The following AOPEP variants were observed in gnomAD, a reference collection of about 807,000 sequenced individuals.
The protein encoded by AOPEP is aminopeptidase O (putative).
AOPEP carries 77 observed loss-of-function variants against 98.1 expected under a neutral mutation model. That is an observed-to-expected ratio of 0.78 (90% CI 0.65 to 0.95). The LOEUF is 0.95. Ranked by LOEUF, AOPEP falls within the 40% of genes least tolerant of loss-of-function variation. The pLI is 0.00. For synonymous variants in AOPEP, 346 were observed against 365.3 expected, an observed-to-expected ratio of 0.95 and a Z score of 0.60; for missense variants, 1,024 against 1,024.7, an observed-to-expected ratio of 1.00 and a Z score of 0.01.
chr9:95,046,079 C>G (rs2065841455), intron 13 of AOPEP, among the ~76,000 whole-genome samples: 1 of 152,114 alleles, frequency 6.6e-6, no homozygotes, highest in African/African-American at 2.4e-5. Flanking sequence ...TGTCAGTGGA[C>G]TAGGGCCACT....
At chr9:94,962,889 A>T (rs2404296) in intron 9 of AOPEP, among the ~76,000 whole-genome samples, 1 of 151,678 alleles carries the variant, frequency 6.6e-6, no homozygotes, top group Admixed American at 6.6e-5. Flanking sequence ...GACTACAGGC[A>T]CCCGCCACCA....
At chr9:94,801,076 G>A in intron 5 of AOPEP, 74 bp downstream of exon 5, 1 of 1,536,626 alleles carries the variant, frequency 6.5e-7, no homozygotes. Context: ...CTTTCCTTGA[G>A]CTCTGTCAGA....
intron 4 of AOPEP, among the ~76,000 whole-genome samples, chr9:94,797,391 A>G (rs1430724065): frequency 1.3e-5 from 2 of 150,274 alleles, no homozygotes; most frequent in Non-Finnish European, 3.0e-5. Context: ...AGATTGCACC[A>G]CTGCACTTCA....
chr9:94,772,866 T>C lies in AOPEP; in HGVS notation c.798-136T>C, dbSNP rs972706242. The C allele has an allele frequency of 1.8e-5, 15 of 833,872 alleles. No homozygotes were observed. The South Asian group carries it at 4.0e-4, about 22-fold the overall frequency. The allele number at this position is 833,872 out of a possible 1,614,324, so 51.7% of individuals were successfully genotyped here. A position where few individuals can be genotyped will look rare whatever the true frequency, so the allele number is the denominator to read the frequency against. ...CCTTGGCAGCTTCAGTTCAAAATGCTAGGAAACCAGTCAACTACAAAGTTT... is the reference window on the plus strand; with the variant it reads ...CCTTGGCAGCTTCAGTTCAAAATGCCAGGAAACCAGTCAACTACAAAGTTT... On this transcript the variant is annotated intron_variant, in intron 2 of 16. Coordinates refer to ENST00000375315, the MANE Select transcript of AOPEP (RefSeq NM_001193329.3).
chr9:94,888,910 GCCACCA>G (rs1182375423), intron 5 of AOPEP, among the ~76,000 whole-genome samples: 1 of 152,106 alleles, frequency 6.6e-6, no homozygotes, highest in Non-Finnish European at 1.5e-5. Context: ...GCATGAAGCT[GCCACCA>G]CCACATGTAA....
chr9:94,855,069 ATATTT>A (rs149110655), intron 5 of AOPEP, among the ~76,000 whole-genome samples: 1,728 of 152,160 alleles, frequency 0.011, 34 homozygotes, highest in African/African-American at 0.039. Context: ...TAGAATTAGC[ATATTT>A]TATTTTATTT....
At chr9:94,793,081 G>A (rs962989547) in intron 4 of AOPEP, among the ~76,000 whole-genome samples, 163 bp downstream of exon 4, 5 of 152,232 alleles carry the variant, frequency 3.3e-5, no homozygotes, top group Non-Finnish European at 7.3e-5. Flanking sequence ...AAAGGAAAGA[G>A]AGGGCTAGGC....
At chr9:95,003,903 A>G (rs1034515363) in intron 11 of AOPEP, 1 of 168,374 alleles carries the variant, frequency 5.9e-6, no homozygotes, top group Non-Finnish European at 1.3e-5. Flanking sequence ...ATAGACATAC[A>G]TCATCCGTGT....
At chr9:94,864,043 C>T (rs2135481704) in intron 5 of AOPEP, among the ~76,000 whole-genome samples, 1 of 152,288 alleles carries the variant, frequency 6.6e-6, no homozygotes, top group Non-Finnish European at 1.5e-5. Flanking sequence ...GATACTCCCA[C>T]ACATGGGCCA....
intron 13 of AOPEP, among the ~76,000 whole-genome samples, chr9:95,016,391 C>G (rs1016400978): frequency 1.3e-5 from 2 of 149,680 alleles, no homozygotes; most frequent in Admixed American, 1.3e-4. Context: ...TTACAGGCAC[C>G]CACCACCACG....
chr9:94,745,648 C>G (rs1834315018), intron 1 of AOPEP, among the ~76,000 whole-genome samples: 1 of 152,164 alleles, frequency 6.6e-6, no homozygotes, highest in Admixed American at 6.5e-5. Flanking sequence ...TCTTTTTTCA[C>G]TTAACATAAT....
At chr9:94,925,166 A>G (rs2054120803) in intron 6 of AOPEP, among the ~76,000 whole-genome samples, 1 of 152,048 alleles carries the variant, frequency 6.6e-6, no homozygotes, top group Non-Finnish European at 1.5e-5. Context: ...TAATTTTTGT[A>G]TTTTTAGTAG....
In AOPEP at chr9:95,086,799, C is replaced by T. The variant is rs2070753496; in HGVS notation, c.*122C>T. 2.0e-6 allele frequency: 2 copies of T among 987,868 alleles called. No homozygotes were observed. Among genetic ancestry groups the T allele is most frequent in the African/African-American group, 1.7e-5 (1 of 57,258 alleles). 61.2% of individuals were successfully genotyped at this position (987,868 alleles called of 1,614,324 possible). ...GCTGCTAAAGCCATCGGCCCACAGC[C>T]CTGTTCACATCTTGGTGCTTCTCTT... On this transcript the variant is annotated 3_prime_UTR_variant, in exon 17 of 17. Transcript: ENST00000375315.
At chr9:94,753,309 A>T (rs1836253608) in intron 1 of AOPEP, among the ~76,000 whole-genome samples, 1 of 152,234 alleles carries the variant, frequency 6.6e-6, no homozygotes, top group Non-Finnish European at 1.5e-5. Flanking sequence ...TATTGACTTT[A>T]AAAAAGTTGG....
At chr9:95,019,082 G>A (rs887116110) in intron 13 of AOPEP, 1 of 151,934 alleles carries the variant, frequency 6.6e-6, no homozygotes, top group African/African-American at 2.4e-5. Context: ...TTCTTCAGCC[G>A]GCAGCAAGTA....
rs10993411 is a variant in AOPEP, at chr9:94,966,304, G to A, written c.1873-1454G>A. Among the ~76,000 whole-genome samples, 591 of 152,108 alleles carry A rather than the reference G, an allele frequency of 3.9e-3. 1 individual carries two copies. Among genetic ancestry groups the A allele is most frequent in the Non-Finnish European group, 6.4e-3 (435 of 68,006 alleles). On this transcript the variant is annotated intron_variant, in intron 9 of 16. Transcript: ENST00000375315. ...TTCTATTGGGAGGCTTCGGTCTGCAGTTCACTGGGTGTCATCAGAGTCCTG... is the reference window on the plus strand; with the variant it reads ...TTCTATTGGGAGGCTTCGGTCTGCAATTCACTGGGTGTCATCAGAGTCCTG...
rs2061929328 is a variant in AOPEP, at chr9:95,005,423, C to T, written c.2041-119C>T. 6.5e-6 allele frequency: 7 copies of T among 1,075,026 alleles called. No individual in the cohort carries two copies. The Admixed American group carries it at 7.6e-5, about 12-fold the overall frequency. 66.6% of individuals were successfully genotyped at this position (1,075,026 alleles called of 1,614,324 possible). The stretch of plus-strand genomic sequence containing the variant: ...GAGTTCCGCGGGCGGGCGCGGGTGG[C>T]CTCCCGAGGTGCGGGGAAGACCAGG... On this transcript the variant is annotated intron_variant, in intron 12 of 16. Transcript: ENST00000375315.
Position 94,928,519 on chromosome 9 carries a change from T to C in AOPEP, c.1649T>C (p.Met550Thr), listed in dbSNP as rs756437433. 1.9e-6 allele frequency: 3 copies of C among 1,550,748 alleles called. No individual in the cohort carries two copies. Among genetic ancestry groups the C allele is most frequent in the East Asian group, 4.9e-5 (2 of 40,910 alleles). ...GAGATGCAATGCTCCCCCGAGGAGA[T>C]GCAGGTGTTAAGGTAAAGCTGCATG... ...QDEMQCSPEEMQVLRPSKDKT... is the reference protein window; with the variant it reads ...QDEMQCSPEETQVLRPSKDKT... Residue 550 changes from methionine (M) to threonine (T), a missense_variant, in exon 7 of 17, where the codon ATG (methionine) becomes ACG (threonine). Physicochemically the swap from Met to Thr is moderately conservative, Grantham distance 81. Around this residue, in one of 3 missense-constraint regions of AOPEP, gnomAD observed 566 missense variants for 551.7 expected, o/e 1.03. Coordinates refer to ENST00000375315, the MANE Select transcript of AOPEP (RefSeq NM_001193329.3).
In AOPEP at chr9:94,930,981, TC is replaced by T. The variant is rs1168535316; in HGVS notation, c.1661+2453del. ...ATCCCTTCACCTCTTAAAGGCTCAG[TC>T]CCTCCACCTAAGAGGTCATTTCCAT... On this transcript the variant is annotated intron_variant, in intron 7 of 16. Coordinates refer to ENST00000375315, the MANE Select transcript of AOPEP (RefSeq NM_001193329.3). This position sits in a 1 kb window ranked among gnomAD's most constrained non-coding sequence, Gnocchi z 4.5. Among the ~76,000 whole-genome samples the T allele has an allele frequency of 6.6e-6, 1 of 152,186 alleles. No individual in the cohort carries two copies. The highest frequency in any genetic ancestry group is 1.5e-5 in the Non-Finnish European group (1 of 68,022).
Sources: gnomAD v4.1 joint callset for allele counts (sites outside exome capture counted in the v4.1 genomes callset) on GRCh38, gnomAD v4.1.1 for gene constraint, gnomAD v4.1.1 regional missense constraint, Gnocchi (gnomAD v3.1) non-coding constraint, MANE v1.5 for transcripts, NCBI Gene and HGNC (gene_info 2026-07-23, HGNC 2026-07-21) for gene names.